The following RABGAP1L variants were observed in gnomAD, a reference collection of about 807,000 sequenced individuals.
The protein encoded by RABGAP1L is rab GTPase-activating protein 1-like.
A neutral mutation model predicts 137.7 loss-of-function variants in RABGAP1L; 63 were observed. The ratio of observed to expected loss-of-function variants is 0.46; its 90% CI spans 0.37 to 0.56. The LOEUF (loss-of-function observed/expected upper bound fraction) is 0.56. Among genes scored for constraint, RABGAP1L ranks in the 20% least tolerant of loss-of-function variants. The probability of loss-of-function intolerance (pLI) is 0.00; values close to 1 mark genes in which losing one functional copy is unlikely to be tolerated. For missense variants in RABGAP1L, 1,095 were observed against 1,244.0 expected (o/e 0.88, Z 1.80); for synonymous variants, 431 against 433.7 (o/e 0.99, Z 0.08).
At chr1:174,900,672 A>C (rs1657988303) in intron 19 of RABGAP1L, among the ~76,000 whole-genome samples, 1 of 152,128 alleles carries the variant, frequency 6.6e-6, no homozygotes, top group African/African-American at 2.4e-5. Flanking sequence ...GGTGTGAGCC[A>C]CTACACCCAG....
intron 17 of RABGAP1L, among the ~76,000 whole-genome samples, chr1:174,735,151 T>G (rs1682827264): frequency 6.6e-6 from 1 of 151,792 alleles, no homozygotes. Flanking sequence ...TGTTTGTTTG[T>G]TTTTTGGTAG....
chr1:174,474,952 T>C (rs1303882609), intron 13 of RABGAP1L, among the ~76,000 whole-genome samples: 1 of 152,138 alleles, frequency 6.6e-6, no homozygotes, highest in Non-Finnish European at 1.5e-5. Context: ...ATATCTGCCT[T>C]ATGATAAATA....
chr1:174,437,595 G>T (rs1653557619), intron 13 of RABGAP1L, among the ~76,000 whole-genome samples: 2 of 152,184 alleles, frequency 1.3e-5, no homozygotes, highest in Admixed American at 1.3e-4. Context: ...ACGTGTAATT[G>T]GTGTACCTGA....
chr1:174,231,162 C>T lies in RABGAP1L; in HGVS notation c.349C>T (p.Pro117Ser). ...PSNTEISTPR[P>S]SSPGGLPEED... Reference sequence around the variant, plus strand: ...TTCTTCAGAAATTTCTACACCCAGACCATCTTCTCCAGGTGGACTACCTGA... The same window carrying T: ...TTCTTCAGAAATTTCTACACCCAGATCATCTTCTCCAGGTGGACTACCTGA... Residue 117 changes from proline (P) to serine (S), a missense_variant, in exon 4 of 26, where the codon CCA (proline) becomes TCA (serine). By Grantham distance (74) the Pro-to-Ser change is moderately conservative. Transcript: ENST00000681986. 1.2e-6 allele frequency: 2 copies of T among 1,611,492 alleles called. No homozygotes were observed. The highest frequency in any genetic ancestry group is 1.7e-6 in the Non-Finnish European group (2 of 1,178,340).
chr1:174,810,692 T>C (rs1470729826), intron 18 of RABGAP1L, among the ~76,000 whole-genome samples: 1 of 152,208 alleles, frequency 6.6e-6, no homozygotes, highest in East Asian at 1.9e-4. Flanking sequence ...TCTTCCTAAA[T>C]CTATAATATG....
chr1:174,454,003 A>G (rs1571883087), intron 13 of RABGAP1L, among the ~76,000 whole-genome samples: 4 of 152,126 alleles, frequency 2.6e-5, no homozygotes, highest in Non-Finnish European at 1.5e-5. Flanking sequence ...GGTGGCTCAC[A>G]CCCGTAATCC....
chr1:174,724,804 T>A (rs12082578), intron 17 of RABGAP1L, among the ~76,000 whole-genome samples: 26 of 152,322 alleles, frequency 1.7e-4, no homozygotes, highest in African/African-American at 5.5e-4. Context: ...CTTCAAGATT[T>A]GGTAACAAGG....
At chr1:174,609,923 C>T (rs909592407) in intron 13 of RABGAP1L, among the ~76,000 whole-genome samples, 3 of 151,456 alleles carry the variant, frequency 2.0e-5, no homozygotes, top group African/African-American at 7.3e-5. Flanking sequence ...TAGGATTTTC[C>T]ATTTCTGTTT....
intron 19 of RABGAP1L, chr1:174,849,560 A>G (rs1337805945): frequency 5.8e-6 from 2 of 342,442 alleles, no homozygotes; most frequent in Middle Eastern, 1.0e-3. Context: ...TATTAAGAGT[A>G]TGCTCTCACA....
At chr1:174,972,348 T>C (rs1670208584) in intron 21 of RABGAP1L, among the ~76,000 whole-genome samples, 1 of 152,250 alleles carries the variant, frequency 6.6e-6, no homozygotes, top group Non-Finnish European at 1.5e-5. Context: ...AAATCATTTA[T>C]CAGAGATCCT....
At chr1:174,246,395 G>A (rs183009979) in intron 5 of RABGAP1L, 1 of 152,346 alleles carries the variant, frequency 6.6e-6, no homozygotes, top group Non-Finnish European at 1.5e-5. Context: ...AGTGTGACAT[G>A]TATTGAAGTG....
At chr1:174,800,403 T>C in intron 18 of RABGAP1L, 8 of 1,550,744 alleles carry the variant, frequency 5.2e-6, no homozygotes, top group South Asian at 1.2e-5. Flanking sequence ...TCCCAGGACA[T>C]GCACGACGAG....
intron 10 of RABGAP1L, among the ~76,000 whole-genome samples, chr1:174,297,855 G>C (rs1052815464): frequency 6.6e-6 from 1 of 152,224 alleles, no homozygotes; most frequent in Non-Finnish European, 1.5e-5. Context: ...GCAAAAGCCT[G>C]ACTGGCAAAA....
chr1:174,165,233 C>T (rs935275587), intron 1 of RABGAP1L, among the ~76,000 whole-genome samples: 2 of 152,220 alleles, frequency 1.3e-5, no homozygotes, highest in African/African-American at 4.8e-5. Context: ...ACTGCAACCT[C>T]TGCCTCCCAG....
At chr1:174,600,186 A>G (rs983171454) in intron 13 of RABGAP1L, among the ~76,000 whole-genome samples, 4 of 152,226 alleles carry the variant, frequency 2.6e-5, no homozygotes, top group African/African-American at 4.8e-5. Flanking sequence ...ATACAAGAAT[A>G]GCACGGGAAA....
At chr1:174,669,689 C>T (rs148187782) in intron 14 of RABGAP1L, among the ~76,000 whole-genome samples, 49 of 152,258 alleles carry the variant, frequency 3.2e-4, no homozygotes, top group Non-Finnish European at 4.9e-4. Context: ...CTTTATTATT[C>T]TGCATGTGGA....
At chr1:174,167,873 G>A (rs1206727973) in intron 1 of RABGAP1L, among the ~76,000 whole-genome samples, 2 of 152,266 alleles carry the variant, frequency 1.3e-5, no homozygotes, top group Admixed American at 1.3e-4. Flanking sequence ...TTGTCATTGT[G>A]AGGCCTTTTG....
intron 13 of RABGAP1L, among the ~76,000 whole-genome samples, chr1:174,457,432 T>G (rs897799247): frequency 2.0e-5 from 3 of 151,956 alleles, no homozygotes; most frequent in African/African-American, 7.2e-5. Flanking sequence ...TAGAAGTAGC[T>G]TGAGGGATTG....
intron 13 of RABGAP1L, among the ~76,000 whole-genome samples, chr1:174,404,748 G>C (rs1258692255): frequency 6.6e-6 from 1 of 152,070 alleles, no homozygotes; most frequent in Non-Finnish European, 1.5e-5. Flanking sequence ...AACTTGCAAA[G>C]AGGCAGCACT....
Sources: allele counts gnomAD v4.1 joint callset (sites outside exome capture counted in the v4.1 genomes callset), GRCh38; gene constraint gnomAD v4.1.1; transcripts MANE v1.5; gene names NCBI Gene and HGNC (gene_info 2026-07-23, HGNC 2026-07-21).